The following B9D1 variants were observed in gnomAD, a reference collection of about 807,000 sequenced individuals.
The protein encoded by B9D1 is B9 domain containing 1.
Under a neutral mutation model 26.1 loss-of-function variants are expected in B9D1, and 20 were observed. The observed-to-expected ratio is 0.77, with a 90% CI of 0.54 to 1.12. The LOEUF (loss-of-function observed/expected upper bound fraction) is 1.12. B9D1 is among the 50% of genes most tolerant of loss of function. The probability of loss-of-function intolerance (pLI) is 0.00; values close to 1 mark genes in which losing one functional copy is unlikely to be tolerated. For synonymous variants in B9D1, 105 were observed against 103.1 expected (o/e 1.02, Z -0.11); for missense variants, 260 against 273.7 (o/e 0.95, Z 0.35).
rs1456979116 is a variant in B9D1, at chr17:19,343,807, T to C, written c.455A>G (p.Gln152Arg). 1.2e-6 allele frequency: 2 copies of C among 1,614,088 alleles called. No homozygotes were observed. ...PEYTDPKVVA[Q>R]GEGREVTRVR... Reference sequence around the variant, plus strand: ...AGCTTTACCTTCCCGGCCTTCACCCTGAGCCACCACCTTGGGGTCTGTGTA... The same window carrying C: ...AGCTTTACCTTCCCGGCCTTCACCCCGAGCCACCACCTTGGGGTCTGTGTA... The change falls in exon 6 of 7, where the codon CAG becomes CGG. Residue 152 changes from glutamine to arginine, a missense_variant. Transcript: ENST00000261499.
chr17:19,377,899 G>A, exon 1 of B9D1: 1 of 985,416 alleles, frequency 1.0e-6, no homozygotes, highest in Non-Finnish European at 1.2e-6. Flanking sequence ...CAACTTGGCC[G>A]GAAGCTGCGG....
intron 3 of B9D1, chr17:19,357,637 G>C (rs1273391934): frequency 1.6e-6 from 1 of 623,544 alleles, no homozygotes; most frequent in Admixed American, 2.2e-5. Context: ...TGCACAGCCT[G>C]TAGCAGATGA....
rs963693069 is a variant in B9D1 at position 19,347,485 on chromosome 17, C to G, written c.342-154G>C. 6.6e-6 allele frequency among the ~76,000 whole-genome samples: 1 copy of G among 152,194 alleles called. No homozygotes were observed. The highest frequency in any genetic ancestry group is 2.4e-5 in the African/African-American group (1 of 41,440). On this transcript the variant is annotated intron_variant, in intron 4 of 6. Coordinates refer to ENST00000261499, the MANE Select transcript of B9D1 (RefSeq NM_015681.6). This position sits in a 1 kb window ranked among gnomAD's most constrained non-coding sequence, Gnocchi z 4.3. ...TCCAACCTGTGCTAACTGAGCACCC[C>G]CTGTGTCTGGGCAAGGTGCTGAGCG...
At chr17:19,336,968 A>G (rs766862791), downstream of B9D1, among the ~76,000 whole-genome samples, 21 of 152,224 alleles carry the variant, frequency 1.4e-4, no homozygotes, top group Non-Finnish European at 2.5e-4. Context: ...AGTGCTAGCC[A>G]CTGCCCTTTA....
intron 3 of B9D1, among the ~76,000 whole-genome samples, chr17:19,354,057 T>C (rs1338190452): frequency 6.6e-6 from 1 of 152,244 alleles, no homozygotes; most frequent in African/African-American, 2.4e-5. Context: ...TTATTATCAT[T>C]CAATTCAAAA....
At chr17:19,351,201 G>T (rs1337084635) in intron 3 of B9D1, among the ~76,000 whole-genome samples, 1 of 151,958 alleles carries the variant, frequency 6.6e-6, no homozygotes. Context: ...TTGCTACGTT[G>T]CCCAGGTTAG....
intron 5 of B9D1, among the ~76,000 whole-genome samples, chr17:19,344,970 C>T (rs751652322): frequency 1.4e-4 from 21 of 152,250 alleles, no homozygotes; most frequent in Non-Finnish European, 2.8e-4. Flanking sequence ...TCACAGCACC[C>T]ACCTCACAAG....
At chr17:19,341,795 G>A (rs780642098), downstream of B9D1, among the ~76,000 whole-genome samples, 3 of 152,200 alleles carry the variant, frequency 2.0e-5, no homozygotes, top group African/African-American at 7.2e-5. Context: ...GAGCATAAAC[G>A]AAGGATGGAG....
At chr17:19,337,630 C>T, downstream of B9D1, 1 of 1,271,202 alleles carries the variant, frequency 7.9e-7, no homozygotes, top group South Asian at 1.3e-5. Flanking sequence ...GCTGCAGTAA[C>T]ACATCTCCAG....
At chr17:19,363,004 G>T (rs771906341), upstream of B9D1, 1 of 269,528 alleles carries the variant, frequency 3.7e-6, no homozygotes, top group Non-Finnish European at 7.6e-6. Context: ...AGCAAGCCGA[G>T]TGTTTAAAAT....
At chr17:19,337,556 G>A (rs1435673917), downstream of B9D1, 2 of 626,530 alleles carry the variant, frequency 3.2e-6, no homozygotes, top group African/African-American at 3.6e-5. Flanking sequence ...ACTGGTGGCA[G>A]GGGGTGCCCG....
At position 19,346,272 on chromosome 17, in the gene B9D1, C is replaced by T. The variant is rs1348293659; in HGVS notation, c.404+997G>A. Among the ~76,000 whole-genome samples, 3 of 152,206 alleles carry T rather than the reference C, an allele frequency of 2.0e-5. No individual in the cohort carries two copies. In the East Asian group the frequency reaches 5.8e-4, roughly 29 times the overall value. ...AGGACTCCTAGGGGCAGTAGGCACA[C>T]AAATTCTCAGGCTGAGGCCAGCGGA... On this transcript the variant is annotated intron_variant, in intron 5 of 6. Transcript: ENST00000261499.
chr17:19,370,440 G>T lies in B9D1; in HGVS notation c.-298+7419C>A, dbSNP rs373095714. The stretch of plus-strand genomic sequence containing the variant: ...GTGGCTGTGTGGTTGACATCTCGAT[G>T]ACATGTGCTGTGTGTGTCCCTCACA... On this transcript the variant is annotated intron_variant, in intron 1 of 5. Transcript: ENST00000477478. This position sits in a 1 kb window ranked among gnomAD's most constrained non-coding sequence, Gnocchi z 5.1. Among the ~76,000 whole-genome samples the T allele has an allele frequency of 3.9e-5, 6 of 152,212 alleles. No individual in the cohort carries two copies. In the South Asian group the frequency reaches 1.2e-3, roughly 32 times the overall value.
downstream of B9D1, chr17:19,335,166 T>C (rs973650755): frequency 1.1e-5 from 4 of 375,890 alleles, no homozygotes; most frequent in Non-Finnish European, 1.9e-5. Flanking sequence ...TAGATGATGA[T>C]GTTTATTTAA....
chr17:19,363,204 G>T (rs1391571216), upstream of B9D1, among the ~76,000 whole-genome samples: 1 of 152,236 alleles, frequency 6.6e-6, no homozygotes, highest in Non-Finnish European at 1.5e-5. Flanking sequence ...GCTTGGAGAC[G>T]CTTGCCCTCG....
intron 1 of B9D1, among the ~76,000 whole-genome samples, chr17:19,361,847 T>G (rs908524140): frequency 2.0e-5 from 3 of 152,174 alleles, no homozygotes; most frequent in Non-Finnish European, 2.9e-5. Flanking sequence ...GCCAGTTCCT[T>G]TGGTATATTT....
downstream of B9D1, among the ~76,000 whole-genome samples, chr17:19,336,956 G>A (rs998373077): frequency 6.6e-6 from 1 of 152,220 alleles, no homozygotes; most frequent in African/African-American, 2.4e-5. Context: ...TGTGCTGGGG[G>A]AAGTGCTAGC....
downstream of B9D1, among the ~76,000 whole-genome samples, chr17:19,339,935 A>G (rs746212927): frequency 4.0e-5 from 6 of 151,746 alleles, no homozygotes; most frequent in Non-Finnish European, 7.4e-5. Context: ...GCTGGTCAAC[A>G]TGCAGCTTTG....
At position 19,347,900 on chromosome 17, in the gene B9D1, G is replaced by A. The variant is rs767764163; in HGVS notation, c.245-20C>T. 77 of 1,609,944 alleles carry A rather than the reference G, an allele frequency of 4.8e-5. No individual in the cohort carries two copies. Among genetic ancestry groups the A allele is most frequent in the South Asian group, 3.1e-4 (28 of 90,964 alleles). ...GTGGCCCTTGGGAAGGACAAGGCAG[G>A]GGGTGGGCACATGAGGACACACAGG... is the stretch of plus-strand genomic sequence containing the variant. On this transcript the variant is annotated intron_variant, in intron 3 of 6. Coordinates refer to ENST00000261499, the MANE Select transcript of B9D1 (RefSeq NM_015681.6). The surrounding 1 kb of genome is among the most constrained non-coding windows in gnomAD (Gnocchi z 4.3).
Sources: gnomAD v4.1 joint callset for allele counts (sites outside exome capture counted in the v4.1 genomes callset) on GRCh38, gnomAD v4.1.1 for gene constraint, Gnocchi (gnomAD v3.1) non-coding constraint, MANE v1.5 for transcripts, NCBI Gene and HGNC (gene_info 2026-07-23, HGNC 2026-07-21) for gene names.